NHSL1: variants seen among roughly 807,000 people sequenced by gnomAD.
NHSL1 encodes NHS-like protein 1.
In NHSL1, 48 loss-of-function variants were observed where a neutral mutation model predicts 95.0. The observed-to-expected ratio is 0.51, with a 90% CI of 0.40 to 0.64. The LOEUF is 0.64. NHSL1 is among the 30% of genes least tolerant of loss of function. The pLI is 0.00. For synonymous variants in NHSL1, 783 were observed against 833.9 expected (o/e 0.94, Z 1.05); for missense variants, 1,971 against 2,077.7 (o/e 0.95, Z 1.00).
intron 7 of NHSL1, among the ~76,000 whole-genome samples, chr6:138,425,152 G>A (rs967633187): frequency 4.6e-5 from 7 of 152,128 alleles, no homozygotes; most frequent in Middle Eastern, 3.4e-3. Context: ...GTGCAATAGC[G>A]CAATCTCAGC....
chr6:138,565,762 A>AAAAATAAAAT (rs146572935), intron 1 of NHSL1, among the ~76,000 whole-genome samples: 7,255 of 147,474 alleles, frequency 0.049, 238 homozygotes, highest in African/African-American at 0.077. Flanking sequence ...CCATCTCTAC[A>AAAAATAAAAT]AAAATAAAAT....
At chr6:138,667,486 G>A (rs1291630886) in intron 1 of NHSL1, among the ~76,000 whole-genome samples, 2 of 152,082 alleles carry the variant, frequency 1.3e-5, no homozygotes, top group Non-Finnish European at 2.9e-5. Flanking sequence ...AAGGAGGATC[G>A]CATAACCATC....
In NHSL1 at chr6:138,505,278, C is replaced by G. The variant is rs1780899528; in HGVS notation, c.17-8907G>C. ...AAGGGTCATTTTCAAATATTGTACA[C>G]AGGAGTTTATGCAGAAATGAGCCAT... On this transcript the variant is annotated intron_variant, in intron 1 of 4. Transcript: ENST00000342260. Among the ~76,000 whole-genome samples, 2 of 152,092 alleles carry G rather than the reference C, an allele frequency of 1.3e-5. 1 individual carries two copies. Among genetic ancestry groups the G allele is most frequent in the South Asian group, 4.1e-4 (2 of 4,824 alleles).
chr6:138,538,309 T>C (rs896489716), intron 1 of NHSL1, among the ~76,000 whole-genome samples: 3 of 152,296 alleles, frequency 2.0e-5, no homozygotes, highest in African/African-American at 7.2e-5. Context: ...GTTCATATAC[T>C]TCATTTTCTT....
intron 1 of NHSL1, among the ~76,000 whole-genome samples, chr6:138,683,723 T>G (rs1785542508): frequency 6.6e-6 from 1 of 152,240 alleles, no homozygotes; most frequent in South Asian, 2.1e-4. Flanking sequence ...GAGACAGCCC[T>G]GGCCTGGTTC....
At chr6:138,546,427 C>CAAAAAAAAAAAAAAAAAAAAAAAA (rs1177720465), upstream of NHSL1, among the ~76,000 whole-genome samples, 4 of 50,950 alleles carry the variant, frequency 7.9e-5, no homozygotes, top group African/African-American at 2.5e-4. Context: ...CCCATCTCTA[C>CAAAAAAAAAAAAAAAAAAAAAAAA]AAAAAAAAAA....
intron 1 of NHSL1, among the ~76,000 whole-genome samples, chr6:138,520,280 C>CTTTT (rs397888767): frequency 2.7e-4 from 22 of 80,928 alleles, no homozygotes; most frequent in African/African-American, 3.7e-4. Context: ...TAGTTTAATT[C>CTTTT]TTTTTTTTTT....
intron 3 of NHSL1, among the ~76,000 whole-genome samples, chr6:138,458,698 T>C (rs1777789560): frequency 6.6e-6 from 1 of 152,068 alleles, no homozygotes; most frequent in South Asian, 2.1e-4. Flanking sequence ...TGGTGGCATG[T>C]GCCTGTAGTC....
At position 138,424,750 on chromosome 6, in the gene NHSL1, G is replaced by A. The variant is rs1227016287; in HGVS notation, c.4152C>T (p.Ser1384=). The change falls in exon 8 of 8, where the codon TCC becomes TCT. Residue 1384 remains serine (S), a synonymous_variant. Coordinates refer to ENST00000343505, the MANE Select transcript of NHSL1 (RefSeq NM_001144060.2). The surrounding 1 kb of genome is among the most constrained non-coding windows in gnomAD (Gnocchi z 5.9). ...CAGCGCCGGTGGGTGTCACGGGCGG[G>A]GAGGGAGAATGGTTTCGGGAGTGGT... The part of the protein sequence containing the change: ...DDDHSRNHSP[S]PPVTPTGAAP... 3.9e-5 allele frequency: 61 copies of A among 1,551,246 alleles called. No individual in the cohort carries two copies. In the Admixed American group the frequency reaches 1.1e-3, roughly 28 times the overall value.
intron 3 of NHSL1, among the ~76,000 whole-genome samples, chr6:138,459,456 T>C (rs1246771397): frequency 6.6e-6 from 1 of 152,254 alleles, no homozygotes; most frequent in East Asian, 1.9e-4. Context: ...TACCTTACTA[T>C]ATCATTGAAC....
At chr6:138,556,692 C>G (rs1379876023) in intron 1 of NHSL1, among the ~76,000 whole-genome samples, 2 of 151,860 alleles carry the variant, frequency 1.3e-5, no homozygotes, top group African/African-American at 4.8e-5. Context: ...AGGGTCAGAT[C>G]AGCTTTTTCA....
intron 1 of NHSL1, among the ~76,000 whole-genome samples, chr6:138,541,366 C>CA (rs926649453): frequency 9.0e-4 from 136 of 151,548 alleles, no homozygotes; most frequent in African/African-American, 2.4e-3. Flanking sequence ...GACTCTGTCT[C>CA]AAAAAAAATA....
chr6:138,557,562 A>C (rs1324931700), intron 1 of NHSL1, among the ~76,000 whole-genome samples: 1 of 152,244 alleles, frequency 6.6e-6, no homozygotes, highest in Non-Finnish European at 1.5e-5. Flanking sequence ...GCAGAGATCC[A>C]TTTCATGCCA....
intron 1 of NHSL1, among the ~76,000 whole-genome samples, chr6:138,671,629 T>A (rs1345857711): frequency 6.6e-6 from 1 of 151,844 alleles, no homozygotes; most frequent in Admixed American, 6.6e-5. Flanking sequence ...TTAGATTAAA[T>A]CAGATTGGAA....
At chr6:138,436,968 C>A (rs902110551) in intron 5 of NHSL1, among the ~76,000 whole-genome samples, 2 of 152,078 alleles carry the variant, frequency 1.3e-5, no homozygotes, top group African/African-American at 2.4e-5. Context: ...AAAAAGATTT[C>A]TTTCATTTAC....
At position 138,424,046 on chromosome 6, in the gene NHSL1, C is replaced by CT; in HGVS notation, c.*34_*35insA. The CT allele has an allele frequency of 7.4e-7, 1 of 1,355,542 alleles. No homozygotes were observed. The highest frequency in any genetic ancestry group is 9.5e-7 in the Non-Finnish European group (1 of 1,056,908). The allele number at this position is 1,355,542 out of a possible 1,614,324, so 84.0% of individuals were successfully genotyped here. On this transcript the variant is annotated 3_prime_UTR_variant, in exon 8 of 8. Transcript: ENST00000343505. The surrounding 1 kb of genome is among the most constrained non-coding windows in gnomAD (Gnocchi z 5.9). ...CCTAGAGTGCTGCATTGCTCGTCTC[C>CT]CCCCGTGTCACCTGGGAGAGTTACG...
intron 1 of NHSL1, chr6:138,512,386 G>A (rs555050848): frequency 1.6e-5 from 7 of 445,980 alleles, no homozygotes; most frequent in Non-Finnish European, 2.7e-5. Context: ...GTTCCGGCAC[G>A]ATGTCCCATG....
intron 1 of NHSL1, among the ~76,000 whole-genome samples, chr6:138,623,314 G>T (rs776175949): frequency 2.6e-5 from 4 of 152,158 alleles, no homozygotes; most frequent in Non-Finnish European, 5.9e-5. Flanking sequence ...AGGAGACGAA[G>T]AGACAACAGG....
chr6:138,538,914 T>G (rs1016558373), intron 1 of NHSL1, among the ~76,000 whole-genome samples: 1 of 152,250 alleles, frequency 6.6e-6, no homozygotes, highest in South Asian at 2.1e-4. Flanking sequence ...AAAGTGGTGA[T>G]GAGCACTCAC....
Sources: gnomAD v4.1 joint callset for allele counts (sites outside exome capture counted in the v4.1 genomes callset) on GRCh38, gnomAD v4.1.1 for gene constraint, Gnocchi (gnomAD v3.1) non-coding constraint, MANE v1.5 for transcripts, NCBI Gene and HGNC (gene_info 2026-07-23, HGNC 2026-07-21) for gene names.